Variants in GULP1 observed in about 807,000 individuals in gnomAD.
GULP1 encodes GULP PTB domain containing engulfment adaptor 1.
A neutral mutation model predicts 40.9 loss-of-function variants in GULP1; 19 were observed. The observed-to-expected ratio is 0.46, with a 90% CI of 0.32 to 0.68. GULP1 has a LOEUF of 0.68. Among genes scored for constraint, GULP1 ranks in the 30% least tolerant of loss-of-function variants. The pLI is 0.03. For synonymous variants in GULP1, 119 were observed against 117.6 expected (o/e 1.01, Z -0.08); for missense variants, 312 against 362.2 (o/e 0.86, Z 1.12).
chr2:188,319,358 G>A (rs1410169529), intron 1 of GULP1, among the ~76,000 whole-genome samples: 1 of 152,090 alleles, frequency 6.6e-6, no homozygotes, highest in East Asian at 1.9e-4. Flanking sequence ...AGTTTAGTAT[G>A]CATTATTCCA....
At chr2:188,396,629 G>A (rs1299551647) in intron 2 of GULP1, among the ~76,000 whole-genome samples, 2 of 152,192 alleles carry the variant, frequency 1.3e-5, no homozygotes, top group African/African-American at 4.8e-5. Context: ...GGCCACAGCC[G>A]TCCCAGTCTG....
chr2:188,309,526 T>G (rs2037713599), intron 1 of GULP1, among the ~76,000 whole-genome samples: 1 of 152,174 alleles, frequency 6.6e-6, no homozygotes, highest in Non-Finnish European at 1.5e-5. Context: ...CAACTCAATA[T>G]AAGAAAGAAG....
chr2:188,411,604 A>G (rs74600214), intron 2 of GULP1, among the ~76,000 whole-genome samples: 4,195 of 152,276 alleles, frequency 0.028, 209 homozygotes, highest in East Asian at 0.2. Context: ...TTCACGTAAG[A>G]TAACAAATAT....
chr2:188,328,596 A>G (rs72907662), intron 1 of GULP1, among the ~76,000 whole-genome samples: 22,676 of 152,100 alleles, frequency 0.15, 1,901 homozygotes, highest in South Asian at 0.24. Flanking sequence ...CTTCTGCCCT[A>G]TGGTTTTATC....
intron 4 of GULP1, among the ~76,000 whole-genome samples, chr2:188,485,772 A>G (rs565980758): frequency 1.3e-5 from 2 of 152,178 alleles, no homozygotes; most frequent in South Asian, 4.1e-4. Context: ...TTGAGTTGTT[A>G]TAGACATAAG....
At chr2:188,591,735 C>A (rs1451903226) in intron 11 of GULP1, 1 of 151,334 alleles carries the variant, frequency 6.6e-6, no homozygotes, top group Non-Finnish European at 1.5e-5. Context: ...TCATTAAAAT[C>A]ATTTTTAAAA....
At position 188,587,702 on chromosome 2, in the gene GULP1, T is replaced by G. The variant is rs187016467; in HGVS notation, c.749-153T>G. Among the ~76,000 whole-genome samples, 664 of 152,288 alleles carry G rather than the reference T, an allele frequency of 4.4e-3. 3 individuals are homozygous for G. Among genetic ancestry groups the G allele is most frequent in the Non-Finnish European group, 7.0e-3 (475 of 67,964 alleles). On this transcript the variant is annotated intron_variant, in intron 10 of 11. Coordinates refer to ENST00000409830, the MANE Select transcript of GULP1 (RefSeq NM_016315.4). ...CTTCCTTGTTAATGTTTAACTGGTC[T>G]AAGGTCAGGAAAGCCCAACATACAG... is the stretch of plus-strand genomic sequence containing the variant.
intron 1 of GULP1, among the ~76,000 whole-genome samples, chr2:188,300,675 T>A (rs12693495): frequency 0.15 from 23,114 of 152,158 alleles, 1,905 homozygotes; most frequent in African/African-American, 0.17. Flanking sequence ...TTATTATTGA[T>A]GTTTGATTTA....
chr2:188,556,526 A>G (rs1358590228), intron 7 of GULP1, among the ~76,000 whole-genome samples: 1 of 151,918 alleles, frequency 6.6e-6, no homozygotes, highest in East Asian at 1.9e-4. Flanking sequence ...TCAATTCTTT[A>G]TCTGGGATTT....
At chr2:188,517,684 C>T (rs1231061239) in intron 4 of GULP1, among the ~76,000 whole-genome samples, 3 of 152,116 alleles carry the variant, frequency 2.0e-5, no homozygotes, top group Non-Finnish European at 4.4e-5. Flanking sequence ...CACATGGAAA[C>T]GTTAACTGTC....
chr2:188,313,911 C>T (rs2038625796), intron 1 of GULP1, among the ~76,000 whole-genome samples: 1 of 151,428 alleles, frequency 6.6e-6, no homozygotes, highest in African/African-American at 2.4e-5. Context: ...AGAGGTCCTT[C>T]ACATACCTTG....
At chr2:188,526,858 C>T (rs75638258) in intron 5 of GULP1, among the ~76,000 whole-genome samples, 383 of 152,176 alleles carry the variant, frequency 2.5e-3, no homozygotes, top group African/African-American at 8.2e-3. Context: ...CACTTTATGA[C>T]CATGGTACAT....
At chr2:188,360,503 G>A (rs1346257814) in intron 1 of GULP1, among the ~76,000 whole-genome samples, 1 of 151,598 alleles carries the variant, frequency 6.6e-6, no homozygotes, top group Non-Finnish European at 1.5e-5. Flanking sequence ...ATCATAGAAA[G>A]CCCTTTGGCA....
At chr2:188,390,952 C>A (rs980864585) in intron 2 of GULP1, among the ~76,000 whole-genome samples, 1 of 152,036 alleles carries the variant, frequency 6.6e-6, no homozygotes, top group African/African-American at 2.4e-5. Context: ...TTTCTGTCTT[C>A]TCTATTATGG....
At chr2:188,422,389 TAC>T (rs1167940745) in intron 2 of GULP1, among the ~76,000 whole-genome samples, 4 of 151,278 alleles carry the variant, frequency 2.6e-5, no homozygotes, top group South Asian at 2.1e-4. Flanking sequence ...TGTATATGTA[TAC>T]ACACACACAT....
intron 2 of GULP1, among the ~76,000 whole-genome samples, chr2:188,434,028 C>T (rs1403160654): frequency 5.3e-5 from 8 of 151,278 alleles, no homozygotes; most frequent in East Asian, 2.0e-4. Flanking sequence ...AGTGAAGATA[C>T]TAGCCTTATG....
At chr2:188,591,147 C>A (rs1012770964) in intron 11 of GULP1, 1 of 151,962 alleles carries the variant, frequency 6.6e-6, no homozygotes, top group Non-Finnish European at 1.5e-5. Context: ...CACTAGTTCA[C>A]AAAAGAAGAC....
chr2:188,482,212 TATTC>T (rs1056502334), intron 3 of GULP1, among the ~76,000 whole-genome samples: 3 of 151,948 alleles, frequency 2.0e-5, no homozygotes, highest in Non-Finnish European at 4.4e-5. Context: ...AGTGCATTAT[TATTC>T]AAATAGTATA....
chr2:188,372,755 G>T (rs2047764684), intron 1 of GULP1, among the ~76,000 whole-genome samples: 1 of 151,902 alleles, frequency 6.6e-6, no homozygotes, highest in Non-Finnish European at 1.5e-5. Flanking sequence ...GAACAAAGAA[G>T]ATACTTGCTA....
Sources: allele counts gnomAD v4.1 joint callset (sites outside exome capture counted in the v4.1 genomes callset), GRCh38; gene constraint gnomAD v4.1.1; transcripts MANE v1.5; gene names NCBI Gene and HGNC (gene_info 2026-07-23, HGNC 2026-07-21).